Variants in CEP170 observed in about 807,000 individuals in gnomAD.
CEP170 encodes the protein centrosomal protein of 170 kDa.
Under a neutral mutation model 151.9 loss-of-function variants are expected in CEP170, and 21 were observed. That is an observed-to-expected ratio of 0.14 (90% confidence interval 0.10 to 0.20). CEP170 has a LOEUF of 0.20. Among genes scored for constraint, CEP170 ranks in the 10% least tolerant of loss-of-function variants. The pLI, the probability that CEP170 is intolerant of heterozygous loss-of-function variation, is 1.00. For synonymous variants in CEP170, 356 were observed against 648.8 expected (o/e 0.55, Z 6.86); for missense variants, 964 against 1,892.9 (o/e 0.51, Z 9.11).
chr1:243,232,073 C>A (rs2063816743), intron 1 of CEP170, among the ~76,000 whole-genome samples: 1 of 152,126 alleles, frequency 6.6e-6, no homozygotes, highest in African/African-American at 2.4e-5. Context: ...AAGCTCCAGG[C>A]TCCCACCTCA....
chr1:243,181,852 T>C (rs557535098), intron 10 of CEP170, among the ~76,000 whole-genome samples: 123 of 152,320 alleles, frequency 8.1e-4, no homozygotes, highest in Non-Finnish European at 1.5e-3. Flanking sequence ...CCCTTCTCCT[T>C]TGTCCATCAA....
chr1:243,194,395 T>C (rs2060505820), intron 7 of CEP170, among the ~76,000 whole-genome samples: 1 of 152,028 alleles, frequency 6.6e-6, no homozygotes, highest in African/African-American at 2.4e-5. Flanking sequence ...AATACTGATA[T>C]TGATGATTGA....
intron 11 of CEP170, among the ~76,000 whole-genome samples, 188 bp from the exon 12 acceptor site, chr1:243,169,942 C>T (rs931017163): frequency 9.9e-5 from 15 of 151,998 alleles, no homozygotes; most frequent in African/African-American, 2.9e-4. Flanking sequence ...AAGATCTTCT[C>T]TGAAAAAAAC....
chr1:243,240,651 A>G (rs2064741559), intron 1 of CEP170, among the ~76,000 whole-genome samples: 1 of 126,128 alleles, frequency 7.9e-6, no homozygotes, highest in Non-Finnish European at 1.7e-5. Context: ...TTTTTTTTTG[A>G]AATTCTGCAG....
rs767836325 is a variant in CEP170 at position 243,186,425 on chromosome 1, G to C, written c.1109-3C>G. On this transcript the variant is annotated splice_region_variant and splice_polypyrimidine_tract_variant and intron_variant, in intron 8 of 19. Transcript: ENST00000366542. Reference sequence around the variant, plus strand: ...CGTACCATCATCATGTTTATTTCCTGGATACAAAAAGAAAACACACAATAG... The same window carrying C: ...CGTACCATCATCATGTTTATTTCCTCGATACAAAAAGAAAACACACAATAG... 1 of 1,585,376 alleles carries C rather than the reference G, an allele frequency of 6.3e-7. No individual in the cohort carries two copies. The highest frequency in any genetic ancestry group is 2.2e-5 in the East Asian group (1 of 44,728).
At chr1:243,225,872 C>T (rs1455850779) in intron 1 of CEP170, among the ~76,000 whole-genome samples, 1 of 151,572 alleles carries the variant, frequency 6.6e-6, no homozygotes, top group Non-Finnish European at 1.5e-5. Context: ...AATACGTTTT[C>T]CTAGAACAGC....
chr1:243,205,163 C>T (rs2061325838), intron 4 of CEP170, among the ~76,000 whole-genome samples: 2 of 152,122 alleles, frequency 1.3e-5, no homozygotes, highest in African/African-American at 4.8e-5. Flanking sequence ...TACTGGAATT[C>T]CCAGGACTGA....
intron 15 of CEP170, chr1:243,140,616 T>G (rs2055724709): frequency 6.6e-6 from 1 of 152,534 alleles, no homozygotes; most frequent in Non-Finnish European, 1.5e-5. Context: ...AATAAATATT[T>G]TGATCTTAGT....
intron 1 of CEP170, among the ~76,000 whole-genome samples, chr1:243,253,701 C>G (rs1217341014): frequency 6.6e-6 from 1 of 152,182 alleles, no homozygotes; most frequent in Non-Finnish European, 1.5e-5. Context: ...TCACTCTCTC[C>G]TCTCCCATTA....
chr1:243,190,971 T>A lies in CEP170; in HGVS notation c.1108+47A>T, dbSNP rs1312785610. Reference sequence around the variant, plus strand: ...GTAGTCTAGTAAATGAAGACCAGATTTTCTTTATCGTAAAGTAGGAAGTTC... The same window carrying A: ...GTAGTCTAGTAAATGAAGACCAGATATTCTTTATCGTAAAGTAGGAAGTTC... On this transcript the variant is annotated intron_variant, in intron 8 of 19. Transcript: ENST00000366542. 4.8e-6 allele frequency: 7 copies of A among 1,467,872 alleles called. No homozygotes were observed. In the African/African-American group the frequency reaches 1.0e-4, roughly 21 times the overall value. The allele number at this position is 1,467,872 out of a possible 1,614,324, so 90.9% of individuals were successfully genotyped here.
chr1:243,159,064 T>TCAAAAA (rs1474454610), intron 13 of CEP170, among the ~76,000 whole-genome samples: 1 of 151,904 alleles, frequency 6.6e-6, no homozygotes, highest in African/African-American at 2.4e-5. Context: ...AGACTCCATC[T>TCAAAAA]CAAAAACAAA....
intron 10 of CEP170, among the ~76,000 whole-genome samples, chr1:243,178,838 C>A (rs2059427147): frequency 6.6e-6 from 1 of 152,036 alleles, no homozygotes. Flanking sequence ...CCTGCCTCAG[C>A]CTCCCGAGTA....
At chr1:243,156,553 A>G in intron 13 of CEP170, 98 bp from the exon 14 acceptor site, 1 of 1,171,254 alleles carries the variant, frequency 8.5e-7, no homozygotes, top group African/African-American at 1.5e-5. Flanking sequence ...GAGCGCACAC[A>G]CGGCACAATT....
In CEP170 at chr1:243,126,731, A is replaced by G; in HGVS notation, c.4473T>C (p.Asn1491=). 4 of 1,554,520 alleles carry G rather than the reference A, an allele frequency of 2.6e-6. No homozygotes were observed. Among genetic ancestry groups the G allele is most frequent in the Non-Finnish European group, 3.5e-6 (4 of 1,147,646 alleles). The change falls in exon 20 of 20, where the codon AAT becomes AAC. Residue 1491 remains asparagine, a synonymous_variant. Transcript: ENST00000366542. ...KRVEKQLQAI[N]AMIDPDGTLE... ...AAGTTCCATCAGGATCAATCATAGC[A>G]TTGATTGCTAAAGGGCGGGAAAAGG...
In CEP170 at chr1:243,175,784, G is replaced by C. The variant is rs369833014; in HGVS notation, c.1567-2938C>G. 4.8e-4 allele frequency among the ~76,000 whole-genome samples: 63 copies of C among 130,458 alleles called. 2 individuals are homozygous for C. The South Asian group carries it at 0.016, about 33-fold the overall frequency. The allele number at this position is 130,458 out of a possible 152,430, so 85.6% of individuals were successfully genotyped here. A position where few individuals can be genotyped will look rare whatever the true frequency, so the allele number is the denominator to read the frequency against. On this transcript the variant is annotated intron_variant, in intron 10 of 19. Transcript: ENST00000366542. ...TTACTGTCATCCCACCTGCTGGAAG[G>C]CTCAACAGTATTTCTTTTTTGTTTT...
intron 1 of CEP170, among the ~76,000 whole-genome samples, chr1:243,226,478 T>C (rs2063312222): frequency 6.6e-6 from 1 of 152,112 alleles, no homozygotes; most frequent in African/African-American, 2.4e-5. Context: ...CATTGCCATA[T>C]ACTGCTTAAC....
intron 4 of CEP170, among the ~76,000 whole-genome samples, chr1:243,208,158 C>T (rs969388579): frequency 6.6e-6 from 1 of 152,070 alleles, no homozygotes; most frequent in African/African-American, 2.4e-5. Context: ...TTATTGGCTA[C>T]ATCTTCAAAA....
chr1:243,229,069 C>T (rs1216620455), intron 1 of CEP170, among the ~76,000 whole-genome samples: 1 of 152,152 alleles, frequency 6.6e-6, no homozygotes, highest in African/African-American at 2.4e-5. Context: ...TCCGACTGGT[C>T]CCTCAGTATT....
At chr1:243,158,373 TG>T (rs1200149249) in intron 13 of CEP170, among the ~76,000 whole-genome samples, 1 of 152,198 alleles carries the variant, frequency 6.6e-6, no homozygotes, top group African/African-American at 2.4e-5. Context: ...TACATATGAT[TG>T]GAAACTAGAG....
Sources: allele counts gnomAD v4.1 joint callset (sites outside exome capture counted in the v4.1 genomes callset), GRCh38; gene constraint gnomAD v4.1.1; transcripts MANE v1.5; gene names NCBI Gene and HGNC (gene_info 2026-07-23, HGNC 2026-07-21).